VEPH1: variants seen among roughly 807,000 people sequenced by gnomAD.
VEPH1 encodes ventricular zone expressed PH domain containing 1.
In VEPH1, 80 loss-of-function variants were observed where a neutral mutation model predicts 85.2. That is an observed-to-expected ratio of 0.94 (90% CI 0.78 to 1.13). The LOEUF is 1.13. Among genes scored for constraint, VEPH1 ranks in the 50% most tolerant of loss-of-function variants. The probability of loss-of-function intolerance (pLI) is 0.00; values close to 1 mark genes in which losing one functional copy is unlikely to be tolerated. For synonymous variants in VEPH1, 297 were observed against 348.0 expected, an observed-to-expected ratio of 0.85 and a Z score of 1.63; for missense variants, 955 against 980.5, an observed-to-expected ratio of 0.97 and a Z score of 0.35.
At chr3:157,334,940 C>A (rs1227708225) in intron 9 of VEPH1, among the ~76,000 whole-genome samples, 2 of 152,090 alleles carry the variant, frequency 1.3e-5, no homozygotes, top group Non-Finnish European at 2.9e-5. Context: ...CTTCTACTGG[C>A]CATATTACCT....
At chr3:157,458,258 C>G (rs1006847898) in intron 4 of VEPH1, among the ~76,000 whole-genome samples, 1 of 151,982 alleles carries the variant, frequency 6.6e-6, no homozygotes, top group Non-Finnish European at 1.5e-5. Context: ...CTATTACCTT[C>G]TTTATTAGTC....
At chr3:157,317,428 A>G (rs1720864641) in intron 9 of VEPH1, among the ~76,000 whole-genome samples, 1 of 152,238 alleles carries the variant, frequency 6.6e-6, no homozygotes, top group South Asian at 2.1e-4. Context: ...CAATGTTTGA[A>G]GACTCAGCAA....
chr3:157,481,557 A>G (rs889231062), intron 2 of VEPH1, among the ~76,000 whole-genome samples: 1 of 151,730 alleles, frequency 6.6e-6, no homozygotes, highest in Non-Finnish European at 1.5e-5. Context: ...ACAAGTCTAT[A>G]GTAACTAAAA....
At chr3:157,425,518 G>A (rs1006418934) in intron 5 of VEPH1, among the ~76,000 whole-genome samples, 8 of 152,084 alleles carry the variant, frequency 5.3e-5, no homozygotes, top group East Asian at 1.9e-4. Flanking sequence ...AGATCATTTC[G>A]GAGCTTTAAT....
chr3:157,382,620 A>G (rs1728896737), intron 6 of VEPH1, among the ~76,000 whole-genome samples: 2 of 152,152 alleles, frequency 1.3e-5, no homozygotes, highest in Non-Finnish European at 1.5e-5. Flanking sequence ...ATATAAATAA[A>G]TATATACTGG....
chr3:157,340,122 A>G (rs1205203558), intron 9 of VEPH1, among the ~76,000 whole-genome samples: 1 of 152,168 alleles, frequency 6.6e-6, no homozygotes, highest in African/African-American at 2.4e-5. Context: ...TGATTTCTGC[A>G]TTTCCAACTG....
At chr3:157,323,601 A>G (rs983815683) in intron 9 of VEPH1, among the ~76,000 whole-genome samples, 6 of 152,168 alleles carry the variant, frequency 3.9e-5, no homozygotes, top group African/African-American at 7.2e-5. Context: ...CAAAAGTACT[A>G]TGCTCATTTC....
chr3:157,313,679 G>A lies in VEPH1; in HGVS notation c.1952C>T (p.Ala651Val). 1 of 1,614,108 alleles carries A rather than the reference G, an allele frequency of 6.2e-7. No homozygotes were observed. Among genetic ancestry groups the A allele is most frequent in the Non-Finnish European group, 8.5e-7 (1 of 1,180,004 alleles). ...AGTTTCAAAGCTGTGAGCACCCCCT[G>A]CCTGGGTCTTCTCCCACAGAGCTCT... is the stretch of plus-strand genomic sequence containing the variant. Reference protein sequence around the residue: ...FLRALWEKTQAGGAHSFETAM... With the variant: ...FLRALWEKTQVGGAHSFETAM... Residue 651 changes from alanine to valine, a missense_variant, in exon 11 of 14, where the codon GCA becomes GTA. Physicochemically the swap from Ala to Val is moderately conservative, Grantham distance 64 (BLOSUM62 0). Coordinates refer to ENST00000362010, the MANE Select transcript of VEPH1 (RefSeq NM_001167912.2).
At chr3:157,459,481 T>C (rs1735641469) in intron 4 of VEPH1, 2 of 478,276 alleles carry the variant, frequency 4.2e-6, no homozygotes, top group Non-Finnish European at 2.8e-6. Context: ...CTCATGGGCC[T>C]CATGCATCTT....
chr3:157,281,438 TCTACCAAC>T (rs1716103640), intron 12 of VEPH1, among the ~76,000 whole-genome samples: 2 of 152,176 alleles, frequency 1.3e-5, no homozygotes, highest in East Asian at 3.8e-4. Flanking sequence ...TTTTTGGTGC[TCTACCAAC>T]ACTTAGCACG....
chr3:157,338,893 T>C (rs1264764214), intron 9 of VEPH1, among the ~76,000 whole-genome samples: 1 of 152,246 alleles, frequency 6.6e-6, no homozygotes, highest in African/African-American at 2.4e-5. Flanking sequence ...GTGAATTCAC[T>C]GAACTGCACT....
chr3:157,474,451 A>C (rs1737257753), intron 2 of VEPH1, among the ~76,000 whole-genome samples: 1 of 152,100 alleles, frequency 6.6e-6, no homozygotes, highest in African/African-American at 2.4e-5. Context: ...TTATTTTTAA[A>C]ATTTATTTTA....
At chr3:157,418,265 C>T (rs549599032) in intron 5 of VEPH1, among the ~76,000 whole-genome samples, 7 of 152,236 alleles carry the variant, frequency 4.6e-5, no homozygotes, top group African/African-American at 1.7e-4. Flanking sequence ...CCCTGAATTC[C>T]CTGGTTTTTC....
chr3:157,455,102 AT>A (rs1735263420), intron 4 of VEPH1, among the ~76,000 whole-genome samples: 1 of 152,192 alleles, frequency 6.6e-6, no homozygotes, highest in Admixed American at 6.5e-5. Context: ...CTTTGGGTAT[AT>A]ATACCCAGCA....
At chr3:157,274,031 T>A (rs986106363) in intron 12 of VEPH1, among the ~76,000 whole-genome samples, 1 of 152,214 alleles carries the variant, frequency 6.6e-6, no homozygotes, top group Non-Finnish European at 1.5e-5. Context: ...ACCAGCTGAC[T>A]GGTCCTGGAC....
intron 4 of VEPH1, among the ~76,000 whole-genome samples, chr3:157,446,686 T>G (rs1230926593): frequency 3.3e-5 from 5 of 152,200 alleles, no homozygotes; most frequent in African/African-American, 4.8e-5. Flanking sequence ...ACTTAAGAAA[T>G]GCACTCCTAA....
intron 1 of VEPH1, among the ~76,000 whole-genome samples, chr3:157,498,673 T>C (rs926432983): frequency 1.3e-5 from 2 of 152,182 alleles, no homozygotes; most frequent in African/African-American, 4.8e-5. Flanking sequence ...ATGCTGCACA[T>C]CCCTTCCTAA....
chr3:157,378,854 C>A (rs1287613542), intron 7 of VEPH1, among the ~76,000 whole-genome samples: 1 of 152,108 alleles, frequency 6.6e-6, no homozygotes, highest in Non-Finnish European at 1.5e-5. Context: ...TCATCCACCC[C>A]CCTCTTCTTC....
At chr3:157,496,127 G>A (rs925676970) in intron 1 of VEPH1, among the ~76,000 whole-genome samples, 1 of 152,168 alleles carries the variant, frequency 6.6e-6, no homozygotes, top group Admixed American at 6.5e-5. Context: ...AATCTCTACT[G>A]AACATGAAGA....
Sources: allele counts gnomAD v4.1 joint callset (sites outside exome capture counted in the v4.1 genomes callset), GRCh38; gene constraint gnomAD v4.1.1; transcripts MANE v1.5; gene names NCBI Gene and HGNC (gene_info 2026-07-23, HGNC 2026-07-21).